The following ACVR2A variants were observed in gnomAD, a reference collection of about 807,000 sequenced individuals.
ACVR2A encodes the protein activin A receptor type 2A.
A neutral mutation model predicts 61.4 loss-of-function variants in ACVR2A; 7 were observed. The observed-to-expected ratio is 0.11, with a 90% CI of 0.06 to 0.21. The LOEUF (loss-of-function observed/expected upper bound fraction) is 0.21, where lower values mean the gene tolerates loss of function less well. Among genes scored for constraint, ACVR2A ranks in the 10% least tolerant of loss-of-function variants. The pLI, the probability that ACVR2A is intolerant of heterozygous loss-of-function variation, is 1.00. For synonymous variants in ACVR2A, 193 were observed against 208.3 expected (o/e 0.93, Z 0.63); for missense variants, 322 against 621.7 (o/e 0.52, Z 5.13).
At chr2:147,870,552 G>T (rs1685987344) in intron 1 of ACVR2A, among the ~76,000 whole-genome samples, 1 of 152,120 alleles carries the variant, frequency 6.6e-6, no homozygotes. Flanking sequence ...AAATATTGGA[G>T]ATCTATGCAT....
intron 4 of ACVR2A, among the ~76,000 whole-genome samples, chr2:147,901,083 TAGC>T (rs1455260975): frequency 6.6e-6 from 1 of 152,030 alleles, no homozygotes; most frequent in African/African-American, 2.4e-5. Flanking sequence ...TAAACAGTAG[TAGC>T]TAAGTTTGTG....
intron 4 of ACVR2A, among the ~76,000 whole-genome samples, chr2:147,913,493 T>C (rs1434662990): frequency 6.6e-6 from 1 of 151,996 alleles, no homozygotes; most frequent in African/African-American, 2.4e-5. Context: ...AGTTATACAA[T>C]AACTCTTTGC....
intron 1 of ACVR2A, among the ~76,000 whole-genome samples, chr2:147,875,914 C>T (rs1037464893): frequency 6.6e-6 from 1 of 152,118 alleles, no homozygotes; most frequent in Non-Finnish European, 1.5e-5. Flanking sequence ...TTATACTTCT[C>T]AGCCTTCCCT....
chr2:147,846,952 T>C (rs1303373472), intron 1 of ACVR2A, among the ~76,000 whole-genome samples: 1 of 152,132 alleles, frequency 6.6e-6, no homozygotes, highest in African/African-American at 2.4e-5. Context: ...AAGGAGGTTA[T>C]TCTTGAGCAG....
At chr2:147,920,092 G>A in intron 7 of ACVR2A, 138 bp from the exon 8 acceptor site, 1 of 612,904 alleles carries the variant, frequency 1.6e-6, no homozygotes, top group Non-Finnish European at 2.8e-6. Context: ...AGCTTTGTTT[G>A]TCTCACTTTC....
intron 6 of ACVR2A, 89 bp from the exon 7 acceptor site, chr2:147,918,358 C>T: frequency 1.7e-6 from 2 of 1,151,190 alleles, no homozygotes; most frequent in South Asian, 4.3e-5. Flanking sequence ...AAGGGAAACT[C>T]ACAACCTCTT....
rs745778068 is a variant in ACVR2A at position 147,917,279 on chromosome 2, C to G, written c.673-4C>G. On this transcript the variant is annotated splice_polypyrimidine_tract_variant and splice_region_variant and intron_variant, in intron 5 of 10. Coordinates refer to ENST00000241416, the MANE Select transcript of ACVR2A (RefSeq NM_001616.5). ...TTCTTACTATTCTTTCTTTTTGACTCTAGGACAAACAGTCATGGCAAAATG... is the reference window on the plus strand; with the variant it reads ...TTCTTACTATTCTTTCTTTTTGACTGTAGGACAAACAGTCATGGCAAAATG... 3.7e-6 allele frequency: 6 copies of G among 1,610,504 alleles called. No individual in the cohort carries two copies. In the South Asian group the frequency reaches 4.4e-5, roughly 12 times the overall value.
intron 5 of ACVR2A, 126 bp downstream of exon 5, chr2:147,915,460 G>A (rs1687226978): frequency 9.5e-7 from 1 of 1,047,318 alleles, no homozygotes; most frequent in South Asian, 1.5e-5. Context: ...GGGGAAAGCA[G>A]TTAGCTCTTT....
chr2:147,918,405 T>C, intron 6 of ACVR2A, 42 bp from the exon 7 acceptor site: 1 of 1,575,110 alleles, frequency 6.3e-7, no homozygotes. Context: ...ACATATGGCC[T>C]TTGTCAAGAA....
Position 147,917,194 on chromosome 2 carries a change from A to T in ACVR2A, c.673-89A>T. 7.5e-7 allele frequency: 1 copy of T among 1,333,596 alleles called. No individual in the cohort carries two copies. The highest frequency in any genetic ancestry group is 9.9e-7 in the Non-Finnish European group (1 of 1,007,776). The allele number at this position is 1,333,596 out of a possible 1,614,324, so 82.6% of individuals were successfully genotyped here. A position where few individuals can be genotyped will look rare whatever the true frequency, so the allele number is the denominator to read the frequency against. On this transcript the variant is annotated intron_variant, in intron 5 of 10. Transcript: ENST00000241416. The stretch of plus-strand genomic sequence containing the variant: ...AGACTTTTTTGTTTTGTTTTGTTTT[A>T]CTTTGGAACTTATTTGAGTAATCTC...
chr2:147,895,429 C>T (rs986733572), intron 1 of ACVR2A, among the ~76,000 whole-genome samples: 3 of 152,070 alleles, frequency 2.0e-5, no homozygotes. Flanking sequence ...AAAGTGATCT[C>T]TTGTGGTTCT....
chr2:147,924,637 C>T (rs1311048986), intron 9 of ACVR2A, among the ~76,000 whole-genome samples: 1 of 151,818 alleles, frequency 6.6e-6, no homozygotes. Flanking sequence ...ATTGTTAAGT[C>T]AGAAATTGGG....
At chr2:147,919,886 T>G (rs962593022) in intron 7 of ACVR2A, among the ~76,000 whole-genome samples, 1 of 152,204 alleles carries the variant, frequency 6.6e-6, no homozygotes, top group South Asian at 2.1e-4. Context: ...TCTGTTTCTA[T>G]GGGAGTTTGC....
intron 1 of ACVR2A, among the ~76,000 whole-genome samples, chr2:147,881,731 T>C (rs1184781417): frequency 6.6e-6 from 1 of 151,402 alleles, no homozygotes; most frequent in Non-Finnish European, 1.5e-5. Flanking sequence ...ATTTGAAAAT[T>C]TATTCTTTTT....
rs142548392 is a variant in ACVR2A, at chr2:147,868,305, A to G, written c.55+23098A>G. Among the ~76,000 whole-genome samples, 83 of 152,294 alleles carry G rather than the reference A, an allele frequency of 5.4e-4. 2 individuals carry two copies. In the East Asian group the frequency reaches 0.015, roughly 28 times the overall value. The stretch of plus-strand genomic sequence containing the variant: ...AGAGCTTTGAGGCAGTCAAGATGAT[A>G]ATATTTATAGATAATGCTGAAAACT... On this transcript the variant is annotated intron_variant, in intron 1 of 10. Transcript: ENST00000241416.
chr2:147,868,802 T>A (rs911296600), intron 1 of ACVR2A, among the ~76,000 whole-genome samples: 5 of 151,980 alleles, frequency 3.3e-5, no homozygotes, highest in Non-Finnish European at 5.9e-5. Context: ...GCTAATTTTT[T>A]AATTTTTTTT....
intron 1 of ACVR2A, among the ~76,000 whole-genome samples, chr2:147,873,408 C>T (rs141037925): frequency 3.4e-3 from 511 of 151,936 alleles, no homozygotes; most frequent in East Asian, 8.3e-3. Flanking sequence ...TTTTTTGGTG[C>T]TAATTTTTTG....
At chr2:147,844,794 G>C (rs1225633272), upstream of ACVR2A, 2 of 179,318 alleles carry the variant, frequency 1.1e-5, no homozygotes, top group East Asian at 1.5e-4. Flanking sequence ...CGTCGCCTCA[G>C]CCTGGCGTTT....
chr2:147,870,447 T>A (rs914962605), intron 1 of ACVR2A, among the ~76,000 whole-genome samples: 12 of 152,170 alleles, frequency 7.9e-5, no homozygotes, highest in Admixed American at 6.5e-5. Flanking sequence ...ATTTTTCTTG[T>A]TAGAGTGTTT....
Sources: allele counts gnomAD v4.1 joint callset (sites outside exome capture counted in the v4.1 genomes callset), GRCh38; gene constraint gnomAD v4.1.1; transcripts MANE v1.5; gene names NCBI Gene and HGNC (gene_info 2026-07-23, HGNC 2026-07-21).